PTGFR: variants seen among roughly 807,000 people sequenced by gnomAD.
PTGFR encodes the protein prostaglandin F2-alpha receptor.
PTGFR carries 15 observed loss-of-function variants against 26.2 expected under a neutral mutation model. The ratio of observed to expected loss-of-function variants is 0.57; its 90% CI spans 0.38 to 0.88. The LOEUF is 0.88. Ranked by LOEUF, PTGFR falls within the 40% of genes least tolerant of loss-of-function variation. PTGFR has a pLI of 0.00. For missense variants in PTGFR, 369 were observed against 427.2 expected, an observed-to-expected ratio of 0.86 and a Z score of 1.20; for synonymous variants, 165 against 151.1, an observed-to-expected ratio of 1.09 and a Z score of -0.68.
At chr1:78,491,907 G>C (rs1204813157) in intron 1 of PTGFR, among the ~76,000 whole-genome samples, 1 of 152,210 alleles carries the variant, frequency 6.6e-6, no homozygotes, top group Non-Finnish European at 1.5e-5. Context: ...CCTAGGGAAA[G>C]AGTGACAAGC....
chr1:78,522,283 T>C (rs1650261685), intron 2 of PTGFR, among the ~76,000 whole-genome samples: 1 of 152,164 alleles, frequency 6.6e-6, no homozygotes, highest in Admixed American at 6.6e-5. Context: ...CTAGAGAAAG[T>C]TATCTGCCTT....
In PTGFR at chr1:78,521,106, C is replaced by T. The variant is rs1259470705; in HGVS notation, c.799-15300C>T. On this transcript the variant is annotated intron_variant, in intron 2 of 2. Coordinates refer to ENST00000370757, the MANE Select transcript of PTGFR (RefSeq NM_000959.4). Reference sequence around the variant, plus strand: ...CCCCCAGCTCTATAGACACTCCACTCCCTTCTGTACCAGCTGTGACTTTTG... The same window carrying T: ...CCCCCAGCTCTATAGACACTCCACTTCCTTCTGTACCAGCTGTGACTTTTG... 2.0e-5 allele frequency among the ~76,000 whole-genome samples: 3 copies of T among 152,184 alleles called. 1 individual carries two copies. Among genetic ancestry groups the T allele is most frequent in the Admixed American group, 2.0e-4 (3 of 15,274 alleles).
At chr1:78,510,919 C>A (rs567837412) in intron 2 of PTGFR, among the ~76,000 whole-genome samples, 1 of 152,200 alleles carries the variant, frequency 6.6e-6, no homozygotes, top group Non-Finnish European at 1.5e-5. Context: ...AGTCCAAAAC[C>A]CAGGATGCCA....
At chr1:78,493,634 T>C (rs1649472328) in intron 2 of PTGFR, 93 bp downstream of exon 2, 1 of 1,233,806 alleles carries the variant, frequency 8.1e-7, no homozygotes, top group African/African-American at 1.5e-5. Context: ...ATGCTGAGAA[T>C]GATCCCTACT....
At chr1:78,516,056 T>C (rs1243442877) in intron 2 of PTGFR, among the ~76,000 whole-genome samples, 1 of 152,188 alleles carries the variant, frequency 6.6e-6, no homozygotes, top group African/African-American at 2.4e-5. Flanking sequence ...GTGATAATCG[T>C]TTTAAATTTA....
chr1:78,494,117 A>C (rs985820723), intron 2 of PTGFR, among the ~76,000 whole-genome samples: 4 of 152,264 alleles, frequency 2.6e-5, no homozygotes, highest in African/African-American at 9.6e-5. Context: ...GGAAGGCCAG[A>C]GATTCCTCCC....
intron 2 of PTGFR, among the ~76,000 whole-genome samples, chr1:78,495,456 G>C (rs1165916041): frequency 1.3e-5 from 2 of 152,204 alleles, no homozygotes; most frequent in African/African-American, 4.8e-5. Context: ...GAGTTGAAAT[G>C]AATTTGGGGT....
At chr1:78,518,900 C>A (rs1009629557) in intron 2 of PTGFR, among the ~76,000 whole-genome samples, 1 of 152,042 alleles carries the variant, frequency 6.6e-6, no homozygotes, top group Non-Finnish European at 1.5e-5. Context: ...AGAGACAGAG[C>A]ACCGTAGCTA....
chr1:78,539,233 C>T lies in PTGFR; in HGVS notation c.*2546C>T, dbSNP rs1650734402. On this transcript the variant is annotated 3_prime_UTR_variant, in exon 3 of 3. Transcript: ENST00000370757. Reference sequence around the variant, plus strand: ...AACGAAAAATACCTGAAAGTTAATACATACATATGTAGATATATTTTGTTA... The same window carrying T: ...AACGAAAAATACCTGAAAGTTAATATATACATATGTAGATATATTTTGTTA... 1 of 151,564 alleles carries T rather than the reference C, an allele frequency of 6.6e-6. No homozygotes were observed. Among genetic ancestry groups the T allele is most frequent in the South Asian group, 2.1e-4 (1 of 4,802 alleles). The allele number at this position is 151,564 out of a possible 1,614,324, so 9.4% of individuals were successfully genotyped here. A position where few individuals can be genotyped will look rare whatever the true frequency, so the allele number is the denominator to read the frequency against.
intron 2 of PTGFR, among the ~76,000 whole-genome samples, chr1:78,530,624 G>A (rs1650483750): frequency 6.6e-6 from 1 of 152,110 alleles, no homozygotes. Context: ...CTGTACCTCA[G>A]CTTCATCTTA....
chr1:78,502,098 T>A (rs140759752), intron 2 of PTGFR, among the ~76,000 whole-genome samples: 2 of 152,164 alleles, frequency 1.3e-5, no homozygotes, highest in Non-Finnish European at 2.9e-5. Flanking sequence ...ACATTTCCAC[T>A]CCAAGTTTCA....
At chr1:78,505,519 T>C (rs980676270) in intron 2 of PTGFR, among the ~76,000 whole-genome samples, 2 of 152,232 alleles carry the variant, frequency 1.3e-5, no homozygotes, top group Admixed American at 1.3e-4. Flanking sequence ...TCTTGATACA[T>C]TTGTTATTTA....
rs1404168651 is a variant in PTGFR at position 78,540,636 on chromosome 1, C to G, written c.*3949C>G. Among the ~76,000 whole-genome samples the G allele has an allele frequency of 1.3e-5, 2 of 152,084 alleles. No homozygotes were observed. Among genetic ancestry groups the G allele is most frequent in the African/African-American group, 2.4e-5 (1 of 41,430 alleles). ...GCAATTGAAACATTTCTGTATAATA[C>G]CAAGCATTGTTGCAGTATTGTCTGA... is the stretch of plus-strand genomic sequence containing the variant. On this transcript the variant is annotated 3_prime_UTR_variant, in exon 3 of 3. Transcript: ENST00000370757.
intron 2 of PTGFR, among the ~76,000 whole-genome samples, chr1:78,517,450 G>T (rs1650117182): frequency 6.6e-6 from 1 of 152,124 alleles, no homozygotes; most frequent in South Asian, 2.1e-4. Flanking sequence ...GTGATTGTGG[G>T]TGGGAATGGG....
intron 2 of PTGFR, among the ~76,000 whole-genome samples, chr1:78,513,325 A>G (rs1372592720): frequency 6.6e-6 from 1 of 152,218 alleles, no homozygotes; most frequent in African/African-American, 2.4e-5. Context: ...GAGGTTTCAG[A>G]TGGAAATGAG....
chr1:78,528,411 T>G (rs566790733), intron 2 of PTGFR, among the ~76,000 whole-genome samples: 129 of 151,464 alleles, frequency 8.5e-4, no homozygotes, highest in African/African-American at 3.0e-3. Flanking sequence ...TTAGTGAAAT[T>G]GACTGGATCA....
chr1:78,525,134 T>C (rs762811620), intron 2 of PTGFR, among the ~76,000 whole-genome samples: 3 of 151,832 alleles, frequency 2.0e-5, no homozygotes, highest in Non-Finnish European at 4.4e-5. Flanking sequence ...ACCTCTGTCA[T>C]ACTGCCATGC....
intron 2 of PTGFR, among the ~76,000 whole-genome samples, chr1:78,508,901 C>A (rs1649889522): frequency 6.6e-6 from 1 of 151,912 alleles, no homozygotes; most frequent in South Asian, 2.1e-4. Context: ...ACAGTCAATT[C>A]TTTTTACTGA....
chr1:78,505,844 A>T (rs561479040), intron 2 of PTGFR, among the ~76,000 whole-genome samples: 1 of 152,206 alleles, frequency 6.6e-6, no homozygotes, highest in Non-Finnish European at 1.5e-5. Context: ...GTTCATCTAC[A>T]TCTACACTGA....
Sources: allele counts gnomAD v4.1 joint callset (sites outside exome capture counted in the v4.1 genomes callset), GRCh38; gene constraint gnomAD v4.1.1; transcripts MANE v1.5; gene names NCBI Gene and HGNC (gene_info 2026-07-23, HGNC 2026-07-21).